The following MALRD1 variants were observed in gnomAD, a reference collection of about 807,000 sequenced individuals.
MALRD1 encodes the protein MAM and LDL receptor class A domain containing 1.
A neutral mutation model predicts 242.1 loss-of-function variants in MALRD1; 247 were observed. That is an observed-to-expected ratio of 1.02 (90% CI 0.92 to 1.13). The LOEUF is 1.13. Among genes scored for constraint, MALRD1 ranks in the 50% most tolerant of loss-of-function variants. MALRD1 has a pLI of 0.00. For missense variants in MALRD1, 2,989 were observed against 2,533.1 expected (o/e 1.18, Z -3.86); for synonymous variants, 995 against 866.6 (o/e 1.15, Z -2.60).
intron 36 of MALRD1, among the ~76,000 whole-genome samples, chr10:19,666,383 G>T (rs1481943386): frequency 6.6e-6 from 1 of 151,996 alleles, no homozygotes; most frequent in East Asian, 1.9e-4. Flanking sequence ...TTCCATTTCA[G>T]ATATCACTGT....
At chr10:19,221,260 T>C (rs1325765072) in intron 18 of MALRD1, among the ~76,000 whole-genome samples, 1 of 152,184 alleles carries the variant, frequency 6.6e-6, no homozygotes, top group Non-Finnish European at 1.5e-5. Context: ...GGACTATGTT[T>C]AATAATGTTA....
chr10:19,704,565 A>G lies in MALRD1; in HGVS notation c.6314+12011A>G, dbSNP rs1833777647. On this transcript the variant is annotated intron_variant, in intron 38 of 39. Transcript: ENST00000454679. ...TACATTTGGGGGGACACAAATGTTC[A>G]GTTCATCACAGTAAGTATGCAATAG... Among the ~76,000 whole-genome samples the G allele has an allele frequency of 2.6e-5, 4 of 152,336 alleles. No homozygotes were observed. In the East Asian group the frequency reaches 7.7e-4, roughly 29 times the overall value.
intron 28 of MALRD1, among the ~76,000 whole-genome samples, chr10:19,391,572 G>A (rs1295632502): frequency 3.3e-5 from 5 of 152,060 alleles, no homozygotes; most frequent in Admixed American, 3.3e-4. Flanking sequence ...CCTCTGGCTT[G>A]GCACTCCCTG....
intron 24 of MALRD1, among the ~76,000 whole-genome samples, chr10:19,344,362 T>A (rs1014597399): frequency 6.6e-6 from 1 of 152,098 alleles, no homozygotes; most frequent in African/African-American, 2.4e-5. Flanking sequence ...AGTTTCTTTA[T>A]TTTTATGTTT....
At chr10:19,472,763 T>C (rs758574258) in intron 29 of MALRD1, among the ~76,000 whole-genome samples, 2 of 151,844 alleles carry the variant, frequency 1.3e-5, no homozygotes, top group South Asian at 4.2e-4. Context: ...TATAATATTA[T>C]TTATGTTGTT....
At chr10:19,401,499 A>G (rs183627897) in intron 28 of MALRD1, among the ~76,000 whole-genome samples, 5 of 152,318 alleles carry the variant, frequency 3.3e-5, no homozygotes, top group South Asian at 2.1e-4. Flanking sequence ...AAAACAATTG[A>G]AAAATGAAAT....
At chr10:19,569,981 A>G (rs1048458202) in intron 33 of MALRD1, among the ~76,000 whole-genome samples, 3 of 151,864 alleles carry the variant, frequency 2.0e-5, no homozygotes, top group African/African-American at 7.2e-5. Flanking sequence ...TTTTCAAAAT[A>G]ACATACTAAC....
intron 24 of MALRD1, among the ~76,000 whole-genome samples, chr10:19,339,832 G>A (rs1187317160): frequency 5.3e-5 from 8 of 152,132 alleles, no homozygotes; most frequent in Non-Finnish European, 1.0e-4. Flanking sequence ...ATTTGAGACT[G>A]GGTAATTTAA....
chr10:19,596,123 C>G (rs1838088253), intron 34 of MALRD1, among the ~76,000 whole-genome samples: 1 of 152,030 alleles, frequency 6.6e-6, no homozygotes, highest in African/African-American at 2.4e-5. Context: ...ATGTAAAATT[C>G]CAGGCTGTGT....
In MALRD1 at chr10:19,530,439, A is replaced by AATATATAAT. The variant is rs1468184871; in HGVS notation, c.5321-755_5321-754insATATATAAT. Among the ~76,000 whole-genome samples, 486 of 90,664 alleles carry AATATATAAT rather than the reference A, an allele frequency of 5.4e-3. 21 individuals are homozygous for AATATATAAT. The highest frequency in any genetic ancestry group is 0.028 in the East Asian group (106 of 3,810). The allele number at this position is 90,664 out of a possible 152,430, so 59.5% of individuals were successfully genotyped here. A position where few individuals can be genotyped will look rare whatever the true frequency, so the allele number is the denominator to read the frequency against. On this transcript the variant is annotated intron_variant, in intron 31 of 39. Coordinates refer to ENST00000454679, the MANE Select transcript of MALRD1 (RefSeq NM_001142308.3). ...TAATAATAAATATATAATATATATAATATATAATATATAATATATAATAAT... is the reference window on the plus strand; with the variant it reads ...TAATAATAAATATATAATATATATAAATATATAATTATATAATATATAATATATAATAAT...
chr10:19,578,689 A>G (rs1462579730), intron 33 of MALRD1, among the ~76,000 whole-genome samples: 1 of 150,440 alleles, frequency 6.6e-6, no homozygotes, highest in Non-Finnish European at 1.5e-5. Context: ...AGAGTTGACA[A>G]GCTCATGGCT....
intron 18 of MALRD1, among the ~76,000 whole-genome samples, chr10:19,254,623 A>G (rs1839426016): frequency 6.6e-6 from 1 of 152,034 alleles, no homozygotes; most frequent in African/African-American, 2.4e-5. Flanking sequence ...TGCTTTTTAT[A>G]AATTTTAAAC....
At chr10:19,076,725 G>A (rs1186300906) in intron 2 of MALRD1, among the ~76,000 whole-genome samples, 2 of 151,570 alleles carry the variant, frequency 1.3e-5, no homozygotes, top group East Asian at 3.9e-4. Flanking sequence ...CTAGGGAAGA[G>A]TAAGTCTTAT....
intron 36 of MALRD1, among the ~76,000 whole-genome samples, chr10:19,681,501 C>T (rs775978015): frequency 2.0e-5 from 3 of 152,068 alleles, no homozygotes; most frequent in Non-Finnish European, 4.4e-5. Context: ...GTTTTTTCTG[C>T]ACCATCAGGT....
chr10:19,567,509 C>T lies in MALRD1; in HGVS notation c.5486C>T (p.Thr1829Ile), dbSNP rs1289471152. The T allele has an allele frequency of 3.9e-6, 6 of 1,550,066 alleles. No homozygotes were observed. Among genetic ancestry groups the T allele is most frequent in the Non-Finnish European group, 5.2e-6 (6 of 1,146,722 alleles). The change falls in exon 33 of 40, where the codon ACC becomes ATC. Residue 1829 changes from threonine to isoleucine, a missense_variant. Transcript: ENST00000454679. ...PRSMGILKVY[T>I]IEESGLNILV... is the part of the protein sequence containing the mutation. ...TTTTAATGATTTTTAAAGGTGTATACCATTGAAGAATCGGGGCTAAACATC... is the reference window on the plus strand; with the variant it reads ...TTTTAATGATTTTTAAAGGTGTATATCATTGAAGAATCGGGGCTAAACATC...
intron 28 of MALRD1, among the ~76,000 whole-genome samples, chr10:19,413,028 G>A (rs1405465641): frequency 2.6e-5 from 4 of 151,984 alleles, no homozygotes; most frequent in African/African-American, 9.7e-5. Flanking sequence ...TATGTAAAGA[G>A]ATGGAAATCT....
chr10:19,182,188 A>G (rs1288142444), intron 14 of MALRD1, among the ~76,000 whole-genome samples: 1 of 152,072 alleles, frequency 6.6e-6, no homozygotes, highest in East Asian at 1.9e-4. Flanking sequence ...TGGTTTAAGA[A>G]CCTTACCTAT....
At chr10:19,057,593 T>A (rs904661689) in intron 1 of MALRD1, among the ~76,000 whole-genome samples, 2 of 152,126 alleles carry the variant, frequency 1.3e-5, no homozygotes, top group Non-Finnish European at 2.9e-5. Context: ...AAAATAAATA[T>A]GTAGAGCCTA....
intron 18 of MALRD1, among the ~76,000 whole-genome samples, chr10:19,246,560 C>G (rs1310861092): frequency 4.0e-5 from 6 of 148,968 alleles, no homozygotes; most frequent in African/African-American, 1.6e-4. Flanking sequence ...TTGAGACAAA[C>G]TCATCCTCTT....
Sources: allele counts gnomAD v4.1 joint callset (sites outside exome capture counted in the v4.1 genomes callset), GRCh38; gene constraint gnomAD v4.1.1; transcripts MANE v1.5; gene names NCBI Gene and HGNC (gene_info 2026-07-23, HGNC 2026-07-21).